Variants in MECOM observed in about 807,000 individuals in gnomAD.
MECOM encodes the protein MDS1 and EVI1 complex locus.
Under a neutral mutation model 116.3 loss-of-function variants are expected in MECOM, and 13 were observed. The ratio of observed to expected loss-of-function variants is 0.11; its 90% CI spans 0.07 to 0.18. The LOEUF is 0.18. Ranked by LOEUF, MECOM falls within the 10% of genes least tolerant of loss-of-function variation. The pLI is 1.00. For missense variants in MECOM, 1,299 were observed against 1,509.0 expected (o/e 0.86, Z 2.31); for synonymous variants, 528 against 535.2 (o/e 0.99, Z 0.19).
chr3:169,654,046 T>C (rs993224440), intron 1 of MECOM, among the ~76,000 whole-genome samples: 3 of 152,216 alleles, frequency 2.0e-5, no homozygotes, highest in Non-Finnish European at 1.5e-5. Context: ...TCATCACTAC[T>C]CAGAATCTTC....
chr3:169,263,120 TATATA>T lies in MECOM; in HGVS notation c.375+118062_375+118066del, dbSNP rs1560061101. Among the ~76,000 whole-genome samples, 62 of 88,206 alleles carry T rather than the reference TATATA, an allele frequency of 7.0e-4. 2 individuals carry two copies. The highest frequency in any genetic ancestry group is 3.0e-3 in the African/African-American group (55 of 18,394). The allele number at this position is 88,206 out of a possible 152,430, so 57.9% of individuals were successfully genotyped here. On this transcript the variant is annotated intron_variant, in intron 2 of 16. Coordinates refer to ENST00000651503, the MANE Select transcript of MECOM (RefSeq NM_004991.4). Reference sequence around the variant, plus strand: ...ATATATATATATATATATATATATATATATATATGTTTTTTTTTTTTTTTTTGAGA... The same window carrying T: ...ATATATATATATATATATATATATATTATGTTTTTTTTTTTTTTTTTGAGA...
chr3:169,159,483 C>T (rs940734538), intron 2 of MECOM, among the ~76,000 whole-genome samples: 5 of 152,004 alleles, frequency 3.3e-5, no homozygotes, highest in Non-Finnish European at 5.9e-5. Context: ...TGCTTGAACC[C>T]GGGAGGCAGA....
At chr3:169,293,228 T>C (rs565722744) in intron 2 of MECOM, among the ~76,000 whole-genome samples, 2 of 152,174 alleles carry the variant, frequency 1.3e-5, no homozygotes, top group South Asian at 4.2e-4. Context: ...CCAGAGTAGG[T>C]TCCTAACTCA....
intron 1 of MECOM, among the ~76,000 whole-genome samples, chr3:169,397,598 A>C (rs1735209804): frequency 6.6e-6 from 1 of 152,204 alleles, no homozygotes; most frequent in African/African-American, 2.4e-5. Flanking sequence ...TTCCATTGCT[A>C]TGGTGCAGTT....
chr3:169,111,241 G>A (rs1244393634), intron 9 of MECOM, among the ~76,000 whole-genome samples: 10 of 151,982 alleles, frequency 6.6e-5, no homozygotes, highest in Non-Finnish European at 1.0e-4. Context: ...CCATTCTACC[G>A]TGAACCCATA....
intron 2 of MECOM, among the ~76,000 whole-genome samples, chr3:169,242,975 T>C (rs1402261107): frequency 6.6e-6 from 1 of 152,120 alleles, no homozygotes; most frequent in Non-Finnish European, 1.5e-5. Context: ...TCTCCCCTTT[T>C]ACTCCTATTC....
At chr3:169,183,674 C>G (rs1746284588) in intron 2 of MECOM, among the ~76,000 whole-genome samples, 1 of 151,622 alleles carries the variant, frequency 6.6e-6, no homozygotes, top group African/African-American at 2.4e-5. Context: ...GAGCCACTCC[C>G]AACTTCCTGC....
At chr3:169,521,051 T>C (rs1417653484) in intron 1 of MECOM, among the ~76,000 whole-genome samples, 4 of 152,216 alleles carry the variant, frequency 2.6e-5, no homozygotes, top group African/African-American at 7.2e-5. Context: ...TCATTAATAT[T>C]ACTAGTAAGA....
chr3:169,340,589 T>A (rs1198860531), intron 2 of MECOM, among the ~76,000 whole-genome samples: 1 of 152,180 alleles, frequency 6.6e-6, no homozygotes, highest in Non-Finnish European at 1.5e-5. Context: ...ATTATGATCA[T>A]CACCGCACCA....
At chr3:169,529,663 C>T (rs1321090091) in intron 1 of MECOM, among the ~76,000 whole-genome samples, 1 of 152,176 alleles carries the variant, frequency 6.6e-6, no homozygotes, top group African/African-American at 2.4e-5. Context: ...AAGCCAGGTG[C>T]TAGCTGGGCC....
intron 7 of MECOM, among the ~76,000 whole-genome samples, chr3:169,119,513 C>T (rs1205683942): frequency 6.6e-6 from 1 of 152,124 alleles, no homozygotes; most frequent in Non-Finnish European, 1.5e-5. Context: ...AATTCCAGAT[C>T]CCAGAATCTT....
At chr3:169,650,920 A>T (rs1413566307) in intron 1 of MECOM, among the ~76,000 whole-genome samples, 1 of 152,182 alleles carries the variant, frequency 6.6e-6, no homozygotes, top group Non-Finnish European at 1.5e-5. Flanking sequence ...TTCTGCCTTT[A>T]AAAAGAATGG....
chr3:169,294,834 G>T (rs930338802), intron 2 of MECOM, among the ~76,000 whole-genome samples: 1 of 152,052 alleles, frequency 6.6e-6, no homozygotes, highest in African/African-American at 2.4e-5. Flanking sequence ...AGCTTGGTCT[G>T]CTTGGACAGA....
intron 1 of MECOM, among the ~76,000 whole-genome samples, chr3:169,638,705 G>C (rs947141728): frequency 6.6e-6 from 1 of 152,126 alleles, no homozygotes; most frequent in Admixed American, 6.5e-5. Context: ...ATGGTTAGTT[G>C]CCTCCCCAAT....
At chr3:169,570,879 A>G (rs558081940) in intron 1 of MECOM, among the ~76,000 whole-genome samples, 17 of 152,322 alleles carry the variant, frequency 1.1e-4, no homozygotes, top group Non-Finnish European at 1.9e-4. Context: ...CACAGTCTAC[A>G]TCATACTGAG....
At chr3:169,483,270 A>T (rs1751648559) in intron 1 of MECOM, among the ~76,000 whole-genome samples, 1 of 150,008 alleles carries the variant, frequency 6.7e-6, no homozygotes, top group Non-Finnish European at 1.5e-5. Context: ...AGAATCTTAG[A>T]AAGATGTCGC....
At chr3:169,230,441 G>A (rs1753240651) in intron 2 of MECOM, among the ~76,000 whole-genome samples, 1 of 152,134 alleles carries the variant, frequency 6.6e-6, no homozygotes, top group African/African-American at 2.4e-5. Context: ...AAATAGGCCA[G>A]TCTTCCTAAT....
At chr3:169,187,771 C>T (rs1233445123) in intron 2 of MECOM, among the ~76,000 whole-genome samples, 1 of 151,976 alleles carries the variant, frequency 6.6e-6, no homozygotes, top group Non-Finnish European at 1.5e-5. Flanking sequence ...CATGTATGAA[C>T]CTAATACAGG....
intron 1 of MECOM, among the ~76,000 whole-genome samples, chr3:169,390,640 C>T (rs919303620): frequency 2.0e-5 from 3 of 152,078 alleles, no homozygotes; most frequent in African/African-American, 7.2e-5. Context: ...AATGGAGGAG[C>T]AACTGGGATC....
Sources: gnomAD v4.1 joint callset for allele counts (sites outside exome capture counted in the v4.1 genomes callset) on GRCh38, gnomAD v4.1.1 for gene constraint, MANE v1.5 for transcripts, NCBI Gene and HGNC (gene_info 2026-07-23, HGNC 2026-07-21) for gene names.